ZNF521: variants seen among roughly 807,000 people sequenced by gnomAD.
ZNF521 encodes LYST-interacting protein 3.
Under a neutral mutation model 105.5 loss-of-function variants are expected in ZNF521, and 14 were observed. The ratio of observed to expected loss-of-function variants is 0.13; its 90% confidence interval spans 0.09 to 0.21. ZNF521 has a LOEUF of 0.21. ZNF521 is among the 10% of genes least tolerant of loss of function. The pLI, the probability that ZNF521 is intolerant of heterozygous loss-of-function variation, is 1.00. For synonymous variants in ZNF521, 635 were observed against 606.0 expected (o/e 1.05, Z -0.70); for missense variants, 1,233 against 1,629.7 (o/e 0.76, Z 4.19).
In ZNF521 at chr18:25,089,608, G is replaced by A. The variant is rs375500180; in HGVS notation, c.3791-28C>T. 13 of 1,587,318 alleles carry A rather than the reference G, an allele frequency of 8.2e-6. No homozygotes were observed. In the African/African-American group the frequency reaches 1.6e-4, roughly 20 times the overall value. ...GAAATGATAAAAGAATGATGAACTT[G>A]GGTTATTTTGTTTCCGAAATGCCCT... On this transcript the variant is annotated intron_variant, in intron 6 of 7. Transcript: ENST00000361524.
intron 5 of ZNF521, among the ~76,000 whole-genome samples, chr18:25,110,445 A>AAAAAAAAAAAAAAAAAG (rs1004158349): frequency 5.9e-5 from 9 of 152,144 alleles, no homozygotes; most frequent in African/African-American, 2.2e-4. Flanking sequence ...AGGAGACCAA[A>AAAAAAAAAAAAAAAAAG]AAAGAAAGAA....
rs143783730 is a variant in ZNF521 at position 25,286,142 on chromosome 18, G to A, written c.220+35866C>T. Among the ~76,000 whole-genome samples, 78 of 152,322 alleles carry A rather than the reference G, an allele frequency of 5.1e-4. No homozygotes were observed. The East Asian group carries it at 0.013, about 26-fold the overall frequency. ...GAGGGCACTTCACCCTGAGCCAGAC[G>A]TGTCTGGGCAAAATCACTTCACAAA... On this transcript the variant is annotated intron_variant, in intron 3 of 7. Coordinates refer to ENST00000361524, the MANE Select transcript of ZNF521 (RefSeq NM_015461.3).
chr18:25,191,270 T>C (rs1207190273), intron 5 of ZNF521, among the ~76,000 whole-genome samples: 2 of 152,172 alleles, frequency 1.3e-5, no homozygotes, highest in African/African-American at 4.8e-5. Flanking sequence ...ATTCCATTCA[T>C]TTTCTCCATC....
intron 3 of ZNF521, among the ~76,000 whole-genome samples, chr18:25,313,825 A>G (rs899242664): frequency 2.0e-5 from 3 of 152,208 alleles, no homozygotes; most frequent in African/African-American, 7.2e-5. Flanking sequence ...AAATGCATAT[A>G]GAGATGGGCT....
chr18:25,181,764 G>A (rs574586036), intron 5 of ZNF521, among the ~76,000 whole-genome samples: 6 of 152,214 alleles, frequency 3.9e-5, no homozygotes, highest in South Asian at 4.2e-4. Context: ...AAGGACTGTC[G>A]TCACAGACTA....
intron 5 of ZNF521, among the ~76,000 whole-genome samples, chr18:25,169,907 A>G (rs1409267064): frequency 6.6e-6 from 1 of 152,196 alleles, no homozygotes; most frequent in Non-Finnish European, 1.5e-5. Flanking sequence ...CAATTATAAA[A>G]TACTTTTGCA....
intron 5 of ZNF521, among the ~76,000 whole-genome samples, chr18:25,112,865 T>C (rs1018463931): frequency 6.6e-6 from 1 of 152,160 alleles, no homozygotes; most frequent in Non-Finnish European, 1.5e-5. Flanking sequence ...GAAGTAAGTC[T>C]GCATGCCGTA....
chr18:25,296,969 A>T (rs1187347562), intron 3 of ZNF521, among the ~76,000 whole-genome samples: 1 of 152,096 alleles, frequency 6.6e-6, no homozygotes, highest in Non-Finnish European at 1.5e-5. Context: ...TGAATGAAAA[A>T]AGTCTTATGT....
intron 7 of ZNF521, among the ~76,000 whole-genome samples, chr18:25,067,368 TA>T: frequency 6.6e-6 from 1 of 152,238 alleles, no homozygotes. Flanking sequence ...CTTAGAAAGC[TA>T]AAAAACAGAC....
At chr18:25,275,048 A>G (rs552077803) in intron 3 of ZNF521, among the ~76,000 whole-genome samples, 2 of 152,200 alleles carry the variant, frequency 1.3e-5, no homozygotes, top group Non-Finnish European at 1.5e-5. Flanking sequence ...TTCATTCAAA[A>G]CAAATTCCTT....
chr18:25,234,897 A>C (rs1464779505), intron 3 of ZNF521, among the ~76,000 whole-genome samples: 1 of 152,144 alleles, frequency 6.6e-6, no homozygotes. Flanking sequence ...TAACAATTTG[A>C]TAGACAATAT....
Position 25,106,456 on chromosome 18 carries a change from TA to T in ZNF521, c.3659-14376del, listed in dbSNP as rs1044436409. 7.9e-5 allele frequency among the ~76,000 whole-genome samples: 12 copies of T among 151,750 alleles called. No homozygotes were observed. In the East Asian group the frequency reaches 1.9e-3, roughly 24 times the overall value. Reference sequence around the variant, plus strand: ...ACATTTGATTGCATTAATTGATGTTTAAAAAAAAATCCGTTGAAAATAAAGC... The same window carrying T: ...ACATTTGATTGCATTAATTGATGTTTAAAAAAAATCCGTTGAAAATAAAGC... On this transcript the variant is annotated intron_variant, in intron 5 of 7. Coordinates refer to ENST00000361524, the MANE Select transcript of ZNF521 (RefSeq NM_015461.3).
Position 25,339,310 on chromosome 18 carries a change from T to C in ZNF521, c.40+11597A>G, listed in dbSNP as rs148497821. On this transcript the variant is annotated intron_variant, in intron 2 of 7. Transcript: ENST00000361524. ...AACCTGACACATACTTGGTGCTCAA[T>C]AAAAAATCCTTTAGAATGCATGACC... Among the ~76,000 whole-genome samples, 675 of 152,322 alleles carry C rather than the reference T, an allele frequency of 4.4e-3. 6 individuals are homozygous for C. Among genetic ancestry groups the C allele is most frequent in the African/African-American group, 0.016 (655 of 41,562 alleles).
At chr18:25,298,102 T>A (rs1296476702) in intron 3 of ZNF521, among the ~76,000 whole-genome samples, 1 of 152,176 alleles carries the variant, frequency 6.6e-6, no homozygotes, top group Non-Finnish European at 1.5e-5. Context: ...TTCTGAAAAA[T>A]TGCTTCTCTT....
At chr18:25,276,737 T>C (rs560895593) in intron 3 of ZNF521, among the ~76,000 whole-genome samples, 1 of 152,348 alleles carries the variant, frequency 6.6e-6, no homozygotes, top group Non-Finnish European at 1.5e-5. Context: ...GCACGTCACT[T>C]TCTATTTTGT....
chr18:25,074,064 ACG>A (rs1567949570), intron 7 of ZNF521, among the ~76,000 whole-genome samples: 44 of 117,878 alleles, frequency 3.7e-4, no homozygotes, highest in African/African-American at 1.3e-3. Flanking sequence ...ATGTGTGCGC[ACG>A]CGTGTGTGCG....
At chr18:25,327,569 A>G (rs1458569009) in intron 2 of ZNF521, 3 of 640,662 alleles carry the variant, frequency 4.7e-6, no homozygotes, top group African/African-American at 3.7e-5. Context: ...GAACAGAGAA[A>G]AAGTTACCTT....
intron 5 of ZNF521, among the ~76,000 whole-genome samples, chr18:25,169,081 GAATA>G (rs911929553): frequency 3.9e-5 from 6 of 152,066 alleles, no homozygotes; most frequent in Admixed American, 3.3e-4. Flanking sequence ...TCCATGGACA[GAATA>G]TATACTTTGC....
chr18:25,127,579 C>T (rs7228891), intron 5 of ZNF521, among the ~76,000 whole-genome samples: 20 of 151,816 alleles, frequency 1.3e-4, no homozygotes, highest in Admixed American at 3.3e-4. Flanking sequence ...AAAAAAGATA[C>T]GATCCAGAAT....
Sources: gnomAD v4.1 joint callset for allele counts (sites outside exome capture counted in the v4.1 genomes callset) on GRCh38, gnomAD v4.1.1 for gene constraint, MANE v1.5 for transcripts, NCBI Gene and HGNC (gene_info 2026-07-23, HGNC 2026-07-21) for gene names.